RAB40A: variants seen among roughly 807,000 people sequenced by gnomAD.
The protein encoded by RAB40A is RAB40A, member RAS oncogene family, also known as ras-related protein Rab-40A.
For missense variants in RAB40A, 145 were observed against 230.2 expected (o/e 0.63, Z 2.40); for synonymous variants, 65 against 99.9 (o/e 0.65, Z 2.08).
rs1173641529 is a variant in RAB40A, at chrX:103,500,565, C to CTTCA, written c.188_191dup (p.Lys64AsnfsTer48). 1 of 1,209,548 alleles carries CTTCA rather than the reference C, an allele frequency of 8.3e-7. No homozygotes were observed. Among genetic ancestry groups the CTTCA allele is most frequent in the African/African-American group, 1.8e-5 (1 of 57,059 alleles). ...GCCCCGACGTATCCCAGAGCTTCAG[C>CTTCA]TTCACCCGCTGGCCGTCCAGCAGGA... On this transcript the variant is annotated frameshift_variant, in exon 3 of 3. Transcript: ENST00000304236. LOFTEE classifies it low-confidence loss of function (END_TRUNC).
chrX:103,500,844 A>G lies in RAB40A; in HGVS notation c.-70-18T>C. 8.8e-7 allele frequency: 1 copy of G among 1,131,115 alleles called. No individual in the cohort carries two copies. The highest frequency in any genetic ancestry group is 1.2e-6 in the Non-Finnish European group (1 of 856,484). 93.2% of individuals were successfully genotyped at this position (1,131,115 alleles called of 1,213,427 possible). ...GGCCTGTTCTTCTTGAGAAATTAGC[A>G]TAGAACATAAAAAATGAGATGGGGA... On this transcript the variant is annotated intron_variant, in intron 2 of 2. Transcript: ENST00000304236.
chrX:103,500,076 C>T lies in RAB40A; in HGVS notation c.681G>A (p.Met227Ile). 1 of 1,212,097 alleles carries T rather than the reference C, an allele frequency of 8.3e-7. No homozygotes were observed. Among genetic ancestry groups the T allele is most frequent in the Non-Finnish European group, 1.1e-6 (1 of 895,567 alleles). ...TCATCCTGGCATTCAGGCCCTTAGCCATGGAGAAGGACTTGAGGTGGCTTC... is the reference window on the plus strand; with the variant it reads ...TCATCCTGGCATTCAGGCCCTTAGCTATGGAGAAGGACTTGAGGTGGCTTC... The part of the protein sequence containing the change: ...TLRSHLKSFS[M>I]AKGLNARMMR... The change falls in exon 3 of 3, where the codon ATG (methionine) becomes ATA (isoleucine). Residue 227 changes from methionine (M) to isoleucine (I), a missense_variant. Coordinates refer to ENST00000304236, the MANE Select transcript of RAB40A (RefSeq NM_080879.3).
At chrX:103,502,959 A>G in intron 2 of RAB40A, 2 of 763,824 alleles carry the variant, frequency 2.6e-6, no homozygotes, top group Non-Finnish European at 3.1e-6. Context: ...CTAAGAAGGC[A>G]TTGTGAAAAG....
intron 2 of RAB40A, chrX:103,503,431 G>A: frequency 5.3e-6 from 4 of 752,897 alleles, no homozygotes; most frequent in East Asian, 3.0e-4. Flanking sequence ...ACGGGACAAC[G>A]TATACTGAGG....
chrX:103,514,551 A>C (rs2073307002), intron 2 of RAB40A, among the ~76,000 whole-genome samples: 2 of 110,806 alleles, frequency 1.8e-5, no homozygotes, highest in African/African-American at 6.6e-5. Context: ...GGGTTTCACC[A>C]TGTTGCCCAG....
chrX:103,510,603 G>A (rs1232172805), intron 2 of RAB40A, among the ~76,000 whole-genome samples: 1 of 112,050 alleles, frequency 8.9e-6, no homozygotes, highest in Non-Finnish European at 1.9e-5. Context: ...ATAAATACCT[G>A]AATAAGGAAA....
In RAB40A at chrX:103,500,308, A is replaced by G; in HGVS notation, c.449T>C (p.Val150Ala). 1 of 1,212,221 alleles carries G rather than the reference A, an allele frequency of 8.2e-7. No individual in the cohort carries two copies. The highest frequency in any genetic ancestry group is 1.1e-6 in the Non-Finnish European group (1 of 895,575). Reference sequence around the variant, plus strand: ...CAGAGGGCTGACCTCAAAGAAGGTCACACCCAGGCGCTCGGCGTAGGCCTG... The same window carrying G: ...CAGAGGGCTGACCTCAAAGAAGGTCGCACCCAGGCGCTCGGCGTAGGCCTG... ...QAQAYAERLG[V>A]TFFEVSPLCN... Residue 150 changes from valine to alanine, a missense_variant, in exon 3 of 3, where the codon GTG becomes GCG. By Grantham distance (64) the Val-to-Ala change is moderately conservative. Coordinates refer to ENST00000304236, the MANE Select transcript of RAB40A (RefSeq NM_080879.3).
At chrX:103,510,335 A>C (rs1194124857) in intron 2 of RAB40A, among the ~76,000 whole-genome samples, 1 of 112,168 alleles carries the variant, frequency 8.9e-6, no homozygotes, top group Non-Finnish European at 1.9e-5. Context: ...TTGTGAGGGA[A>C]CTACGAGCAC....
chrX:103,495,144 C>G (rs951091570), downstream of RAB40A, among the ~76,000 whole-genome samples: 3 of 111,389 alleles, frequency 2.7e-5, no homozygotes, highest in African/African-American at 9.8e-5. Flanking sequence ...TGGTTAATTC[C>G]TGTGTATTTA....
At chrX:103,494,812 TG>T (rs1389390136), downstream of RAB40A, among the ~76,000 whole-genome samples, 118 of 111,741 alleles carry the variant, frequency 1.1e-3, no homozygotes, top group African/African-American at 3.6e-3. Context: ...GCTGTTTTGG[TG>T]ATATAGCTCT....
At chrX:103,511,513 A>G (rs1357662553) in intron 2 of RAB40A, among the ~76,000 whole-genome samples, 2 of 82,385 alleles carry the variant, frequency 2.4e-5, no homozygotes, top group African/African-American at 2.4e-4. Context: ...AAAAAAAAAG[A>G]AAAAAAAAAA....
downstream of RAB40A, among the ~76,000 whole-genome samples, chrX:103,494,781 C>G (rs1464136036): frequency 9.0e-6 from 1 of 111,403 alleles, no homozygotes; most frequent in Non-Finnish European, 1.9e-5. Context: ...GTCTATGTGT[C>G]TGTTTTTATG....
intron 2 of RAB40A, among the ~76,000 whole-genome samples, chrX:103,503,659 A>C (rs1383941514): frequency 9.0e-6 from 1 of 111,140 alleles, no homozygotes; most frequent in Non-Finnish European, 1.9e-5. Flanking sequence ...CAAGGGGCTC[A>C]GGGAAAGGGA....
rs1300133061 is a variant in RAB40A at position 103,500,157 on chromosome X, G to A, written c.600C>T (p.Ile200=). Reference sequence around the variant, plus strand: ...CCAGATGCACAGGTGTGCAGGACACGATGGTGCGGCAGCAGAGGTCTTGCA... The same window carrying A: ...CCAGATGCACAGGTGTGCAGGACACAATGGTGCGGCAGCAGAGGTCTTGCA... ...LSLQDLCCRT[I]VSCTPVHLVD... The change falls in exon 3 of 3, where the codon ATC becomes ATT. Residue 200 remains isoleucine, a synonymous_variant. Coordinates refer to ENST00000304236, the MANE Select transcript of RAB40A (RefSeq NM_080879.3). 8.3e-7 allele frequency: 1 copy of A among 1,212,119 alleles called. No homozygotes were observed. Among genetic ancestry groups the A allele is most frequent in the Admixed American group, 2.2e-5 (1 of 46,140 alleles).
Position 103,499,848 on chromosome X carries a change from T to C in RAB40A, c.*75A>G. 8.8e-7 allele frequency: 1 copy of C among 1,132,763 alleles called. No homozygotes were observed. The highest frequency in any genetic ancestry group is 1.2e-6 in the Non-Finnish European group (1 of 823,793). 93.4% of individuals were successfully genotyped at this position (1,132,763 alleles called of 1,213,427 possible). ...GAAAACTAATTTCTTGAATCTACAATGCGACTTCCATCTTCCAGGTGTAAC... is the reference window on the plus strand; with the variant it reads ...GAAAACTAATTTCTTGAATCTACAACGCGACTTCCATCTTCCAGGTGTAAC... On this transcript the variant is annotated 3_prime_UTR_variant, in exon 3 of 3. Coordinates refer to ENST00000304236, the MANE Select transcript of RAB40A (RefSeq NM_080879.3).
chrX:103,507,506 G>A (rs1326701582), intron 2 of RAB40A, among the ~76,000 whole-genome samples: 2 of 110,776 alleles, frequency 1.8e-5, no homozygotes, highest in Non-Finnish European at 3.8e-5. Context: ...AAAAACACCT[G>A]CGGAGTAGAT....
chrX:103,494,883 T>C (rs2073156499), downstream of RAB40A, among the ~76,000 whole-genome samples: 1 of 111,908 alleles, frequency 8.9e-6, no homozygotes, highest in African/African-American at 3.2e-5. Context: ...TTGCTCAAGA[T>C]AGCTTTGGGA....
At chrX:103,497,920 A>G (rs1399700895), downstream of RAB40A, among the ~76,000 whole-genome samples, 1 of 111,956 alleles carries the variant, frequency 8.9e-6, no homozygotes, top group African/African-American at 3.2e-5. Flanking sequence ...AGTTTGCAAT[A>G]AAAATATAAT....
At chrX:103,505,857 C>T (rs982112296) in intron 2 of RAB40A, among the ~76,000 whole-genome samples, 1 of 111,429 alleles carries the variant, frequency 9.0e-6, no homozygotes, top group Non-Finnish European at 1.9e-5. Context: ...AAATATTTTC[C>T]TCCATTGTTA....
Sources: gnomAD v4.1 joint callset for allele counts (sites outside exome capture counted in the v4.1 genomes callset) on GRCh38, gnomAD v4.1.1 for gene constraint, MANE v1.5 for transcripts, NCBI Gene and HGNC (gene_info 2026-07-23, HGNC 2026-07-21) for gene names.